The following SYNPO variants were observed in gnomAD, a reference collection of about 807,000 sequenced individuals.
The protein encoded by SYNPO is synaptopodin.
A neutral mutation model predicts 49.5 loss-of-function variants in SYNPO; 19 were observed. The observed-to-expected ratio is 0.38, with a 90% CI of 0.27 to 0.56. SYNPO has a LOEUF of 0.56. Among genes scored for constraint, SYNPO ranks in the 20% least tolerant of loss-of-function variants. The probability of loss-of-function intolerance (pLI) is 0.68; values close to 1 mark genes in which losing one functional copy is unlikely to be tolerated. For missense variants in SYNPO, 1,131 were observed against 1,248.3 expected (o/e 0.91, Z 1.42); for synonymous variants, 536 against 548.0 (o/e 0.98, Z 0.31).
At chr5:150,650,925 G>A (rs930378274) in intron 2 of SYNPO, 19 of 1,254,034 alleles carry the variant, frequency 1.5e-5, no homozygotes, top group Non-Finnish European at 1.8e-5. Flanking sequence ...CCTCGCCTCC[G>A]CCTGCGCTCC....
chr5:150,629,925 C>T (rs971467762), intron 2 of SYNPO, among the ~76,000 whole-genome samples: 2 of 152,000 alleles, frequency 1.3e-5, no homozygotes, highest in Non-Finnish European at 2.9e-5. Context: ...TTAACTTCTT[C>T]GCAACATGGT....
chr5:150,608,264 G>A (rs1410437087), intron 1 of SYNPO, among the ~76,000 whole-genome samples: 2 of 152,210 alleles, frequency 1.3e-5, no homozygotes, highest in African/African-American at 4.8e-5. Context: ...TGTCTCACAG[G>A]CAGAGCCACC....
chr5:150,616,652 C>T (rs1756991033), intron 1 of SYNPO, among the ~76,000 whole-genome samples: 1 of 152,220 alleles, frequency 6.6e-6, no homozygotes. Context: ...CCTAACTCAT[C>T]TCCCTGCTCC....
chr5:150,639,310 C>T (rs1757816524), upstream of SYNPO, among the ~76,000 whole-genome samples: 1 of 152,250 alleles, frequency 6.6e-6, no homozygotes, highest in Admixed American at 6.5e-5. Context: ...TTTGGCCAGG[C>T]CCAGCCTCCT....
upstream of SYNPO, among the ~76,000 whole-genome samples, chr5:150,637,422 G>A (rs1051564424): frequency 2.6e-5 from 4 of 152,186 alleles, no homozygotes; most frequent in Non-Finnish European, 1.5e-5. Flanking sequence ...CACTGAAACC[G>A]AATGCCTCGC....
At position 150,613,506 on chromosome 5, in the gene SYNPO, T is replaced by C. The variant is rs1581457927; in HGVS notation, c.-265-4597T>C. Among the ~76,000 whole-genome samples the C allele has an allele frequency of 2.6e-5, 4 of 152,326 alleles. No individual in the cohort carries two copies. In the South Asian group the frequency reaches 8.3e-4, roughly 32 times the overall value. On this transcript the variant is annotated intron_variant, in intron 1 of 2. Coordinates refer to the SYNPO transcript ENST00000394243. ...CTCCCCTCAGCCAAGAATCATAAGA[T>C]TTGGCTTTGAGCCTGCATTTGCAGT...
the SYNPO span, among the ~76,000 whole-genome samples, chr5:150,594,578 G>A: frequency 6.6e-6 from 1 of 152,116 alleles, no homozygotes; most frequent in African/African-American, 2.4e-5. Flanking sequence ...CTGGGCCTCA[G>A]TTTCCCCAAC....
upstream of SYNPO, among the ~76,000 whole-genome samples, chr5:150,635,826 T>C (rs75024482): frequency 0.02 from 3,099 of 152,320 alleles, 103 homozygotes; most frequent in African/African-American, 0.07. Flanking sequence ...CTGCCAGGTA[T>C]GAGCCTGCCT....
At chr5:150,586,401 T>C in the SYNPO span, among the ~76,000 whole-genome samples, 1 of 152,190 alleles carries the variant, frequency 6.6e-6, no homozygotes, top group Non-Finnish European at 1.5e-5. Context: ...GGGTCTTAGC[T>C]CTAGCTACTC....
At chr5:150,630,977 A>G (rs1581482806) in intron 2 of SYNPO, among the ~76,000 whole-genome samples, 1 of 152,168 alleles carries the variant, frequency 6.6e-6, no homozygotes, top group Non-Finnish European at 1.5e-5. Context: ...CAGAGAGGTG[A>G]CCTGCAGTGG....
chr5:150,607,569 A>G (rs1756729301), intron 1 of SYNPO, among the ~76,000 whole-genome samples: 1 of 152,296 alleles, frequency 6.6e-6, no homozygotes, highest in Non-Finnish European at 1.5e-5. Flanking sequence ...GGTAGGTACT[A>G]TTATTATTCT....
upstream of SYNPO, chr5:150,640,578 C>T (rs993749812): frequency 2.0e-5 from 18 of 900,548 alleles, no homozygotes; most frequent in Middle Eastern, 1.1e-3. Flanking sequence ...ATGAATCTGG[C>T]AGCGTGGGGC....
At chr5:150,609,788 G>GGGC (rs1554107085) in intron 1 of SYNPO, among the ~76,000 whole-genome samples, 41 of 151,304 alleles carry the variant, frequency 2.7e-4, no homozygotes, top group Non-Finnish European at 5.2e-4. Context: ...GAATGTGGCG[G>GGGC]GGGGGGGCAG....
chr5:150,655,895 C>T (rs575143306), intron 2 of SYNPO, among the ~76,000 whole-genome samples: 55 of 152,250 alleles, frequency 3.6e-4, no homozygotes, highest in Non-Finnish European at 4.4e-4. Flanking sequence ...AGGTGATCCA[C>T]CCGCCTCGGC....
chr5:150,593,420 G>T, the SYNPO span, among the ~76,000 whole-genome samples: 1 of 152,172 alleles, frequency 6.6e-6, no homozygotes, highest in Non-Finnish European at 1.5e-5. Context: ...TCCCTTCTGA[G>T]CCTTGGCTCT....
In SYNPO at chr5:150,656,745, G is replaced by T. The variant is rs1255274505; in HGVS notation, c.2370G>T (p.Pro790=). The T allele has an allele frequency of 4.9e-6, 5 of 1,010,546 alleles. No homozygotes were observed. The highest frequency in any genetic ancestry group is 6.0e-6 in the Non-Finnish European group (5 of 839,858). 62.6% of individuals were successfully genotyped at this position (1,010,546 alleles called of 1,614,324 possible). ...CCTTCTCCCCGCCGAGGGCGCCACC[G>T]CCCCCGCCCCCGCCCCCGCCCCCGC... ...PRPFSPPRAP[P]PPPPPPPPPP... is the part of the protein sequence containing the mutation. Residue 790 remains proline (P), a synonymous_variant, in exon 3 of 3, where the codon CCG becomes CCT. Transcript: ENST00000307662.
chr5:150,640,937 G>A, intron 1 of SYNPO, 83 bp downstream of exon 1: 2 of 743,990 alleles, frequency 2.7e-6, no homozygotes, highest in Non-Finnish European at 3.3e-6. Flanking sequence ...TCTGATCTTA[G>A]TCTGTCCTCT....
chr5:150,649,656 A>G lies in SYNPO; in HGVS notation c.1381A>G (p.Ile461Val). The G allele has an allele frequency of 6.2e-7, 1 of 1,609,696 alleles. No individual in the cohort carries two copies. The highest frequency in any genetic ancestry group is 8.5e-7 in the Non-Finnish European group (1 of 1,179,930). ...EWASCLKSPR[I>V]QAKPKPKPNQ... ...GGCCTCCTGCCTCAAGTCACCCCGC[A>G]TCCAGGCCAAGCCGAAGCCCAAACC... The change falls in exon 2 of 3, where the codon ATC (isoleucine) becomes GTC (valine). Residue 461 changes from isoleucine to valine, a missense_variant. Ile to Val is a conservative substitution (Grantham distance 29). Around this residue, in one of 4 missense-constraint regions of SYNPO, gnomAD observed 602 missense variants for 720.7 expected, o/e 0.84. Coordinates refer to ENST00000307662, the MANE Select transcript of SYNPO (RefSeq NM_007286.6).
chr5:150,625,277 C>G (rs1047096429), intron 2 of SYNPO, among the ~76,000 whole-genome samples: 1 of 152,232 alleles, frequency 6.6e-6, no homozygotes, highest in Non-Finnish European at 1.5e-5. Flanking sequence ...TCCCCAAGCC[C>G]GTTCTGGGAA....
Sources: gnomAD v4.1 joint callset for allele counts (sites outside exome capture counted in the v4.1 genomes callset) on GRCh38, gnomAD v4.1.1 for gene constraint, gnomAD v4.1.1 regional missense constraint, MANE v1.5 for transcripts, NCBI Gene and HGNC (gene_info 2026-07-23, HGNC 2026-07-21) for gene names.